The following NCOR2 variants were observed in gnomAD, a reference collection of about 807,000 sequenced individuals.
NCOR2 encodes the protein nuclear receptor corepressor 2.
NCOR2 carries 81 observed loss-of-function variants against 262.9 expected under a neutral mutation model. The observed-to-expected ratio is 0.31, with a 90% CI of 0.26 to 0.37. The LOEUF (loss-of-function observed/expected upper bound fraction) is 0.37. Ranked by LOEUF, NCOR2 falls within the 10% of genes least tolerant of loss-of-function variation. The pLI is 1.00. For synonymous variants in NCOR2, 1,659 were observed against 1,559.3 expected (o/e 1.06, Z -1.51); for missense variants, 3,385 against 3,621.4 (o/e 0.93, Z 1.68).
intron 8 of NCOR2, among the ~76,000 whole-genome samples, chr12:124,434,203 G>T (rs2044198285): frequency 1.3e-5 from 2 of 152,012 alleles, no homozygotes; most frequent in African/African-American, 4.8e-5. Context: ...AAGGTGTGGG[G>T]GTCCCAGGGT....
chr12:124,506,458 C>G (rs1353730436), intron 1 of NCOR2, among the ~76,000 whole-genome samples: 1 of 152,156 alleles, frequency 6.6e-6, no homozygotes, highest in African/African-American at 2.4e-5. Flanking sequence ...GAAGTATGCT[C>G]AAAATCACTT....
rs200097341 is a variant in NCOR2 at position 124,422,869 on chromosome 12, T to TC, written c.1329-315dup. On this transcript the variant is annotated intron_variant, in intron 11 of 46. Transcript: ENST00000405201. Reference sequence around the variant, plus strand: ...ACGACATGCAGCTCTTTGGTGGGGTTCCCCCCCCTTTAAAATCCACTTTTG... The same window carrying TC: ...ACGACATGCAGCTCTTTGGTGGGGTTCCCCCCCCCTTTAAAATCCACTTTTG... 1.9e-3 allele frequency among the ~76,000 whole-genome samples: 281 copies of TC among 151,838 alleles called. 1 individual carries two copies. Among genetic ancestry groups the TC allele is most frequent in the Middle Eastern group, 0.014 (4 of 294 alleles).
chr12:124,334,503 G>A, exon 41 of NCOR2: 1 of 1,449,280 alleles, frequency 6.9e-7, no homozygotes, highest in South Asian at 1.5e-5. Context: ...TCACTGGGTG[G>A]GCGGCGGAGG....
chr12:124,558,414 T>C (rs887240675), intron 1 of NCOR2, among the ~76,000 whole-genome samples: 3 of 152,090 alleles, frequency 2.0e-5, no homozygotes, highest in Non-Finnish European at 4.4e-5. Flanking sequence ...CAAGAAATGG[T>C]GGGAAGCCCT....
intron 1 of NCOR2, among the ~76,000 whole-genome samples, chr12:124,509,625 G>A (rs2049275962): frequency 6.6e-6 from 1 of 152,162 alleles, no homozygotes; most frequent in Non-Finnish European, 1.5e-5. Context: ...GCCAAGAAGA[G>A]GCCAGAGAAA....
At chr12:124,352,882 G>C (rs183111310) in intron 27 of NCOR2, among the ~76,000 whole-genome samples, 2 of 152,344 alleles carry the variant, frequency 1.3e-5, no homozygotes, top group Admixed American at 6.5e-5. Flanking sequence ...AGATGGGCAG[G>C]AAGTCCCTGG....
chr12:124,336,659 G>A, intron 38 of NCOR2, 94 bp downstream of exon 40: 2 of 1,528,600 alleles, frequency 1.3e-6, no homozygotes, highest in Non-Finnish European at 1.8e-6. Flanking sequence ...GGAGCCGTTG[G>A]CCAGCGCACC....
Position 124,483,910 on chromosome 12 carries a change from G to T in NCOR2, c.234-137C>A. 1 of 1,020,858 alleles carries T rather than the reference G, an allele frequency of 9.8e-7. No homozygotes were observed. Among genetic ancestry groups the T allele is most frequent in the Non-Finnish European group, 1.3e-6 (1 of 744,342 alleles). 63.2% of individuals were successfully genotyped at this position (1,020,858 alleles called of 1,614,324 possible). The stretch of plus-strand genomic sequence containing the variant: ...TCCTGCCAGGAAGGTGCTCACAGGA[G>T]CCCACCTCCCACGGTCCCACAGCAG... On this transcript the variant is annotated intron_variant, in intron 2 of 46. Coordinates refer to ENST00000405201, the Ensembl canonical transcript of NCOR2. This position sits in a 1 kb window ranked among gnomAD's most constrained non-coding sequence, Gnocchi z 6.3.
At chr12:124,466,125 C>T in intron 5 of NCOR2, 48 bp downstream of exon 7, 1 of 1,546,174 alleles carries the variant, frequency 6.5e-7, no homozygotes, top group Non-Finnish European at 8.8e-7. Context: ...CTGTGAAGCG[C>T]CTCATGGCCA....
intron 1 of NCOR2, among the ~76,000 whole-genome samples, chr12:124,547,075 G>A (rs1257454190): frequency 6.6e-6 from 1 of 151,672 alleles, no homozygotes; most frequent in Admixed American, 6.6e-5. Context: ...CTGCAACCTC[G>A]ACCTCCCAAG....
At chr12:124,477,933 C>T (rs1220067196) in intron 3 of NCOR2, among the ~76,000 whole-genome samples, 4 of 152,212 alleles carry the variant, frequency 2.6e-5, no homozygotes, top group Non-Finnish European at 5.9e-5. Context: ...GGCAGAAAAG[C>T]CCCTGGGCTC....
chr12:124,413,009 G>A (rs1041559497), intron 13 of NCOR2, among the ~76,000 whole-genome samples: 2 of 152,214 alleles, frequency 1.3e-5, no homozygotes, highest in African/African-American at 2.4e-5. Flanking sequence ...CGGAAGCCTC[G>A]CTGCCGGGGA....
chr12:124,438,275 G>A (rs1265422709), intron 7 of NCOR2, among the ~76,000 whole-genome samples: 4 of 151,726 alleles, frequency 2.6e-5, no homozygotes, highest in Non-Finnish European at 4.4e-5. Context: ...TCCCGCCCCC[G>A]CCCACATGCA....
At chr12:124,490,693 C>T (rs1371220932) in intron 1 of NCOR2, among the ~76,000 whole-genome samples, 1 of 152,212 alleles carries the variant, frequency 6.6e-6, no homozygotes, top group African/African-American at 2.4e-5. Flanking sequence ...GATCCCCACG[C>T]GCCCACCTGC....
In NCOR2 at chr12:124,350,570, C is replaced by T. The variant is rs755453558; in HGVS notation, c.3844+17G>A. On this transcript the variant is annotated intron_variant, in intron 28 of 46. Transcript: ENST00000405201. The stretch of plus-strand genomic sequence containing the variant: ...CTCCTCCCCTGGTCCTGGGCCTCCT[C>T]TCCTCCTGCGACTCACCCTCATAGG... 1 of 1,607,904 alleles carries T rather than the reference C, an allele frequency of 6.2e-7. No individual in the cohort carries two copies. The highest frequency in any genetic ancestry group is 1.1e-5 in the South Asian group (1 of 90,524).
chr12:124,334,496 C>G, exon 41 of NCOR2: 1 of 1,452,314 alleles, frequency 6.9e-7, no homozygotes, highest in East Asian at 2.7e-5. Flanking sequence ...GTAGAGGTCA[C>G]TGGGTGGGCG....
chr12:124,362,373 G>A (rs74820880), intron 21 of NCOR2, 76 bp from the exon 24 acceptor site: 20 of 1,276,304 alleles, frequency 1.6e-5, no homozygotes, highest in East Asian at 2.7e-5. Context: ...ACATGCACGC[G>A]ACCAGCCTGG....
chr12:124,448,136 A>G (rs2045297517), intron 7 of NCOR2, among the ~76,000 whole-genome samples: 1 of 152,224 alleles, frequency 6.6e-6, no homozygotes, highest in African/African-American at 2.4e-5. Flanking sequence ...CAGGCTCTCA[A>G]TAAAGATGGG....
At position 124,432,531 on chromosome 12, in the gene NCOR2, C is replaced by G. The variant is rs541654597; in HGVS notation, c.883-1744G>C. On this transcript the variant is annotated intron_variant, in intron 8 of 46. Transcript: ENST00000405201. This position sits in a 1 kb window ranked among gnomAD's most constrained non-coding sequence, Gnocchi z 5.1. ...ACATGCGGCTGGGGCTCCGGCCGCA[C>G]CAGACAGCCCGGATGGAGCCCACTG... 2.8e-4 allele frequency among the ~76,000 whole-genome samples: 42 copies of G among 152,326 alleles called. No individual in the cohort carries two copies. The highest frequency in any genetic ancestry group is 8.9e-4 in the African/African-American group (37 of 41,568).
Sources: allele counts gnomAD v4.1 joint callset (sites outside exome capture counted in the v4.1 genomes callset), GRCh38; gene constraint gnomAD v4.1.1; non-coding constraint Gnocchi (gnomAD v3.1); transcripts MANE v1.5; gene names NCBI Gene and HGNC (gene_info 2026-07-23, HGNC 2026-07-21).